EIF2S1: variants seen among roughly 807,000 people sequenced by gnomAD.
EIF2S1 encodes the protein eukaryotic translation initiation factor 2 subunit 1.
Under a neutral mutation model 33.5 loss-of-function variants are expected in EIF2S1, and 5 were observed. The observed-to-expected ratio is 0.15, with a 90% CI of 0.08 to 0.31. The LOEUF (loss-of-function observed/expected upper bound fraction) is 0.31, where lower values mean the gene tolerates loss of function less well. Ranked by LOEUF, EIF2S1 falls within the 10% of genes least tolerant of loss-of-function variation. EIF2S1 has a pLI of 1.00. For synonymous variants in EIF2S1, 99 were observed against 127.5 expected, an observed-to-expected ratio of 0.78 and a Z score of 1.51; for missense variants, 191 against 384.6, an observed-to-expected ratio of 0.50 and a Z score of 4.21.
intron 2 of EIF2S1, among the ~76,000 whole-genome samples, chr14:67,366,309 C>T (rs774969874): frequency 5.2e-4 from 79 of 152,042 alleles, no homozygotes; most frequent in Middle Eastern, 3.2e-3. Context: ...TGGGCTCAAG[C>T]GATTCTCCTG....
In EIF2S1 at chr14:67,381,824, G is replaced by T. The variant is rs1408502125; in HGVS notation, c.678+134G>T. 49 of 574,604 alleles carry T rather than the reference G, an allele frequency of 8.5e-5. 1 individual carries two copies. The highest frequency in any genetic ancestry group is 8.5e-4 in the East Asian group (30 of 35,392). The allele number at this position is 574,604 out of a possible 1,614,324, so 35.6% of individuals were successfully genotyped here. On this transcript the variant is annotated intron_variant, in intron 6 of 7. Transcript: ENST00000256383. Reference sequence around the variant, plus strand: ...GGTTTTTTACTCTTAAAATTGAGCAGTGGTTCTTGGTAATATTTCTAGATG... The same window carrying T: ...GGTTTTTTACTCTTAAAATTGAGCATTGGTTCTTGGTAATATTTCTAGATG...
intron 1 of EIF2S1, among the ~76,000 whole-genome samples, chr14:67,362,503 C>G (rs935185546): frequency 3.3e-5 from 5 of 152,060 alleles, no homozygotes; most frequent in African/African-American, 1.2e-4. Flanking sequence ...CTCAGTAAAC[C>G]TGTGATGTAC....
At position 67,372,705 on chromosome 14, in the gene EIF2S1, G is replaced by C. The variant is rs182211955; in HGVS notation, c.242-1763G>C. ...TTAGCGGGCATAGTGGTGCGTGCCT[G>C]TAGTCCCAGCTACTCAAGAGGCTGA... On this transcript the variant is annotated intron_variant, in intron 2 of 7. Transcript: ENST00000256383. Among the ~76,000 whole-genome samples the C allele has an allele frequency of 2.7e-3, 406 of 152,076 alleles. 3 individuals carry two copies. Among genetic ancestry groups the C allele is most frequent in the Admixed American group, 6.0e-3 (91 of 15,268 alleles).
rs970790372 is a variant in EIF2S1, at chr14:67,382,308, TA to T, written c.679-136del. On this transcript the variant is annotated intron_variant, in intron 6 of 7. Transcript: ENST00000256383. ...CGTAATTGCCAATTCTGTAGGACCC[TA>T]AATTACTGTCCTGTAGAATTGGCAA... 16 of 670,740 alleles carry T rather than the reference TA, an allele frequency of 2.4e-5. No homozygotes were observed. In the Admixed American group the frequency reaches 2.8e-4, roughly 12 times the overall value. The allele number at this position is 670,740 out of a possible 1,614,324, so 41.5% of individuals were successfully genotyped here.
chr14:67,379,803 C>T lies in EIF2S1; in HGVS notation c.474-856C>T, dbSNP rs533231863. On this transcript the variant is annotated intron_variant, in intron 4 of 7. Coordinates refer to ENST00000256383, the MANE Select transcript of EIF2S1 (RefSeq NM_004094.5). ...CCAAATAGCTGGGACTACAGGCGCC[C>T]GCCACTACGCCCGGCTAATTTTTTG... 1.7e-4 allele frequency among the ~76,000 whole-genome samples: 25 copies of T among 149,936 alleles called. No homozygotes were observed. In the East Asian group the frequency reaches 2.6e-3, roughly 16 times the overall value.
chr14:67,370,301 TG>T, intron 2 of EIF2S1, among the ~76,000 whole-genome samples: 1 of 152,338 alleles, frequency 6.6e-6, no homozygotes, highest in African/African-American at 2.4e-5. Flanking sequence ...GGCCAGTTTA[TG>T]GCTAGATTTT....
At chr14:67,378,830 A>G (rs1164808541) in intron 4 of EIF2S1, among the ~76,000 whole-genome samples, 1 of 152,234 alleles carries the variant, frequency 6.6e-6, no homozygotes, top group Non-Finnish European at 1.5e-5. Flanking sequence ...CATAGTTGGA[A>G]ACAATGTTTT....
At chr14:67,375,276 GTGTGTGTC>G (rs1412915227) in intron 3 of EIF2S1, among the ~76,000 whole-genome samples, 7 of 137,836 alleles carry the variant, frequency 5.1e-5, no homozygotes, top group South Asian at 4.5e-4. Flanking sequence ...GTGTGTGTGT[GTGTGTGTC>G]ACAAAGTCTT....
Position 67,360,451 on chromosome 14 carries a change from C to A in EIF2S1, c.-7C>A, listed in dbSNP as rs911412747. On this transcript the variant is annotated 5_prime_UTR_variant, in exon 1 of 8. Coordinates refer to ENST00000256383, the MANE Select transcript of EIF2S1 (RefSeq NM_004094.5). ...CTCCAGTGCGGGAATCACACACATACCTCAGGTGACTAATCCCAAGCTCGG... is the reference window on the plus strand; with the variant it reads ...CTCCAGTGCGGGAATCACACACATAACTCAGGTGACTAATCCCAAGCTCGG... 6 of 380,850 alleles carry A rather than the reference C, an allele frequency of 1.6e-5. No homozygotes were observed. The highest frequency in any genetic ancestry group is 3.7e-5 in the East Asian group (1 of 26,674). 23.6% of individuals were successfully genotyped at this position (380,850 alleles called of 1,614,324 possible).
intron 2 of EIF2S1, among the ~76,000 whole-genome samples, chr14:67,373,842 A>AGTGTGT (rs35163593): frequency 0.017 from 2,432 of 145,782 alleles, 58 homozygotes; most frequent in East Asian, 0.055. Flanking sequence ...TAATTTGTTC[A>AGTGTGT]GTGTGTGTGT....
intron 2 of EIF2S1, among the ~76,000 whole-genome samples, chr14:67,370,182 G>C (rs923112267): frequency 2.0e-5 from 3 of 152,232 alleles, no homozygotes; most frequent in Non-Finnish European, 4.4e-5. Flanking sequence ...GGGCGGGCCA[G>C]GTGTTCCTTG....
chr14:67,374,741 A>G (rs1012048507), intron 3 of EIF2S1, 194 bp downstream of exon 3: 5 of 405,570 alleles, frequency 1.2e-5, no homozygotes, highest in African/African-American at 1.0e-4. Flanking sequence ...ACTTGTTTAC[A>G]GTTGGAATGC....
intron 2 of EIF2S1, among the ~76,000 whole-genome samples, chr14:67,367,578 A>G: frequency 6.6e-6 from 1 of 152,270 alleles, no homozygotes; most frequent in Non-Finnish European, 1.5e-5. Context: ...CAGCATTCTC[A>G]TAAATACGGT....
In EIF2S1 at chr14:67,383,468, G is replaced by A; in HGVS notation, c.*28G>A. On this transcript the variant is annotated 3_prime_UTR_variant, in exon 8 of 8. Coordinates refer to ENST00000256383, the MANE Select transcript of EIF2S1 (RefSeq NM_004094.5). The stretch of plus-strand genomic sequence containing the variant: ...TTGTGGGAAACAGAGTCCAATTTAA[G>A]GAACACAGAGCAGCGCTTCCTGGCT... The A allele has an allele frequency of 3.1e-6, 5 of 1,610,388 alleles. No homozygotes were observed. Among genetic ancestry groups the A allele is most frequent in the Non-Finnish European group, 4.2e-6 (5 of 1,177,580 alleles).
At chr14:67,366,492 T>G (rs1222396432) in intron 2 of EIF2S1, among the ~76,000 whole-genome samples, 1 of 152,240 alleles carries the variant, frequency 6.6e-6, no homozygotes, top group Admixed American at 6.5e-5. Context: ...TAAAGATATT[T>G]CCATAGCATT....
At chr14:67,372,890 G>A (rs777492167) in intron 2 of EIF2S1, among the ~76,000 whole-genome samples, 1 of 151,850 alleles carries the variant, frequency 6.6e-6, no homozygotes, top group African/African-American at 2.4e-5. Flanking sequence ...TTAAAGGAGC[G>A]AAAGTTTTGA....
chr14:67,366,982 G>A (rs2085783596), intron 2 of EIF2S1, among the ~76,000 whole-genome samples: 1 of 152,110 alleles, frequency 6.6e-6, no homozygotes, highest in East Asian at 1.9e-4. Context: ...GACAACCATA[G>A]TAGATGGAAA....
chr14:67,374,423 G>A lies in EIF2S1; in HGVS notation c.242-45G>A, dbSNP rs982070058. 2.4e-6 allele frequency: 3 copies of A among 1,256,896 alleles called. No homozygotes were observed. In the African/African-American group the frequency reaches 4.4e-5, roughly 19 times the overall value. 77.9% of individuals were successfully genotyped at this position (1,256,896 alleles called of 1,614,324 possible). The stretch of plus-strand genomic sequence containing the variant: ...CTTCAAAGCTGGTTACAATAGTACA[G>A]TGGCATCTGGACAGAGATGATTTTT... On this transcript the variant is annotated intron_variant, in intron 2 of 7. Transcript: ENST00000256383.
chr14:67,383,270 T>C (rs760060108), intron 7 of EIF2S1, 45 bp from the exon 8 acceptor site: 1 of 1,592,744 alleles, frequency 6.3e-7, no homozygotes, highest in Admixed American at 1.7e-5. Context: ...TAAATTTGTA[T>C]AGTATTTACT....
Sources: gnomAD v4.1 joint callset for allele counts (sites outside exome capture counted in the v4.1 genomes callset) on GRCh38, gnomAD v4.1.1 for gene constraint, MANE v1.5 for transcripts, NCBI Gene and HGNC (gene_info 2026-07-23, HGNC 2026-07-21) for gene names.